The following GALNT17 variants were observed in gnomAD, a reference collection of about 807,000 sequenced individuals.
GALNT17 encodes the protein polypeptide N-acetylgalactosaminyltransferase 17, also known as UDP-GalNAc:polypeptide N-acetylgalactosaminyltransferase-like 3.
In GALNT17, 29 loss-of-function variants were observed where a neutral mutation model predicts 63.7. That is an observed-to-expected ratio of 0.46 (90% CI 0.34 to 0.62). The LOEUF (loss-of-function observed/expected upper bound fraction) is 0.62, where lower values mean the gene tolerates loss of function less well. Among genes scored for constraint, GALNT17 ranks in the 20% least tolerant of loss-of-function variants. The pLI, the probability that GALNT17 is intolerant of heterozygous loss-of-function variation, is 0.01. For synonymous variants in GALNT17, 305 were observed against 318.3 expected, an observed-to-expected ratio of 0.96 and a Z score of 0.45; for missense variants, 603 against 799.6, an observed-to-expected ratio of 0.75 and a Z score of 2.97.
intron 1 of GALNT17, among the ~76,000 whole-genome samples, chr7:71,313,225 C>T (rs1417691911): frequency 1.3e-5 from 2 of 152,162 alleles, no homozygotes; most frequent in Admixed American, 6.5e-5. Flanking sequence ...TTATTCTAAG[C>T]CTCTATTGAC....
chr7:71,703,110 CCAAG>C (rs1208893027), intron 9 of GALNT17, among the ~76,000 whole-genome samples: 1 of 152,164 alleles, frequency 6.6e-6, no homozygotes, highest in Non-Finnish European at 1.5e-5. Flanking sequence ...GGAAAACTCT[CCAAG>C]AAAGTGACTA....
chr7:71,535,179 C>T (rs921064123), intron 5 of GALNT17, among the ~76,000 whole-genome samples: 5 of 152,186 alleles, frequency 3.3e-5, no homozygotes, highest in African/African-American at 9.6e-5. Context: ...AGAGGGAGGC[C>T]ACAGTTGTGT....
intron 6 of GALNT17, among the ~76,000 whole-genome samples, chr7:71,651,251 G>A (rs534552552): frequency 2.7e-5 from 4 of 148,950 alleles, no homozygotes; most frequent in African/African-American, 9.8e-5. Context: ...AGGAAGGGAG[G>A]TGGGGAGAAT....
intron 9 of GALNT17, among the ~76,000 whole-genome samples, chr7:71,690,815 C>A (rs568802212): frequency 6.6e-6 from 1 of 152,200 alleles, no homozygotes; most frequent in South Asian, 2.1e-4. Context: ...CAAAATGGAG[C>A]CCGTAGATGG....
chr7:71,599,668 G>C (rs1399554793), intron 6 of GALNT17, among the ~76,000 whole-genome samples: 1 of 151,778 alleles, frequency 6.6e-6, no homozygotes, highest in Non-Finnish European at 1.5e-5. Flanking sequence ...ATTGATATCT[G>C]GTGGGTAGAG....
intron 1 of GALNT17, among the ~76,000 whole-genome samples, chr7:71,150,710 C>T (rs1788114678): frequency 6.6e-6 from 1 of 151,712 alleles, no homozygotes; most frequent in South Asian, 2.1e-4. Context: ...CGGGGTTTCA[C>T]CATGTTAGCC....
chr7:71,284,133 C>T (rs1449075417), intron 1 of GALNT17: 1 of 152,376 alleles, frequency 6.6e-6, no homozygotes, highest in African/African-American at 2.4e-5. Context: ...GCTGTATATT[C>T]TTTGGGTCCA....
intron 2 of GALNT17, among the ~76,000 whole-genome samples, chr7:71,351,790 C>G (rs1055163273): frequency 2.6e-5 from 4 of 152,132 alleles, no homozygotes; most frequent in African/African-American, 7.2e-5. Flanking sequence ...TTTTGTGGTA[C>G]TTTGCTATGG....
chr7:71,567,745 G>A (rs2116870563), intron 5 of GALNT17, among the ~76,000 whole-genome samples: 1 of 152,304 alleles, frequency 6.6e-6, no homozygotes, highest in East Asian at 1.9e-4. Flanking sequence ...TTACAGGTGT[G>A]AGCCACCGCA....
chr7:71,481,776 C>T (rs1033289518), intron 5 of GALNT17, among the ~76,000 whole-genome samples: 7 of 151,948 alleles, frequency 4.6e-5, no homozygotes, highest in African/African-American at 1.2e-4. Flanking sequence ...CTGCCTGACA[C>T]GAAACCCAAG....
chr7:71,365,230 G>T, intron 2 of GALNT17, among the ~76,000 whole-genome samples: 1 of 151,800 alleles, frequency 6.6e-6, no homozygotes. Flanking sequence ...ACCACATCCG[G>T]TCATGGAAGG....
At position 71,308,074 on chromosome 7, in the gene GALNT17, G is replaced by A. The variant is rs182719960; in HGVS notation, c.239-27476G>A. Among the ~76,000 whole-genome samples, 956 of 152,118 alleles carry A rather than the reference G, an allele frequency of 6.3e-3. 5 individuals are homozygous for A. Among genetic ancestry groups the A allele is most frequent in the Non-Finnish European group, 9.5e-3 (643 of 67,994 alleles). ...AGTCTGAAGGCTCCGGGTCAGAGGG[G>A]AGTTTGTTGCATGGGGGCAGTTGTC... On this transcript the variant is annotated intron_variant, in intron 1 of 10. Transcript: ENST00000333538.
At chr7:71,620,811 C>T (rs1049733967) in intron 6 of GALNT17, among the ~76,000 whole-genome samples, 3 of 152,202 alleles carry the variant, frequency 2.0e-5, no homozygotes, top group Admixed American at 6.5e-5. Flanking sequence ...CTGCTGACCT[C>T]TTCAGCTATT....
At chr7:71,668,703 G>A (rs1215656539) in intron 7 of GALNT17, among the ~76,000 whole-genome samples, 1 of 151,880 alleles carries the variant, frequency 6.6e-6, no homozygotes, top group Admixed American at 6.6e-5. Flanking sequence ...CTTCTCCCAG[G>A]CCCCCCAGTG....
intron 5 of GALNT17, among the ~76,000 whole-genome samples, chr7:71,515,270 T>G (rs1256442921): frequency 2.0e-5 from 3 of 152,134 alleles, no homozygotes; most frequent in Non-Finnish European, 2.9e-5. Context: ...GCATTGCATT[T>G]CTGGGACTAC....
At chr7:71,265,966 G>T (rs984196590) in intron 1 of GALNT17, among the ~76,000 whole-genome samples, 1 of 152,174 alleles carries the variant, frequency 6.6e-6, no homozygotes, top group African/African-American at 2.4e-5. Flanking sequence ...CTGCAAGGCT[G>T]CCTTCCTTCT....
At chr7:71,385,507 CTCCCTGCCTGG>C (rs1237240011) in intron 2 of GALNT17, among the ~76,000 whole-genome samples, 1 of 152,192 alleles carries the variant, frequency 6.6e-6, no homozygotes, top group Non-Finnish European at 1.5e-5. Flanking sequence ...ACCTTGGCTC[CTCCCTGCCTGG>C]GATTCTTCAG....
intron 6 of GALNT17, among the ~76,000 whole-genome samples, chr7:71,663,198 CT>C (rs1790935295): frequency 6.6e-6 from 1 of 152,084 alleles, no homozygotes; most frequent in Non-Finnish European, 1.5e-5. Flanking sequence ...TCCTTACGAA[CT>C]TTAGGATCTG....
intron 3 of GALNT17, among the ~76,000 whole-genome samples, chr7:71,406,215 A>C (rs183886595): frequency 6.6e-6 from 1 of 152,294 alleles, no homozygotes; most frequent in Non-Finnish European, 1.5e-5. Context: ...ATAGTATTTG[A>C]AATGTTTGAA....
Sources: gnomAD v4.1 joint callset for allele counts (sites outside exome capture counted in the v4.1 genomes callset) on GRCh38, gnomAD v4.1.1 for gene constraint, MANE v1.5 for transcripts, NCBI Gene and HGNC (gene_info 2026-07-23, HGNC 2026-07-21) for gene names.